The following BAG4 variants were observed in gnomAD, a reference collection of about 807,000 sequenced individuals.
The protein encoded by BAG4 is BAG cochaperone 4, also known as BAG family molecular chaperone regulator 4.
A neutral mutation model predicts 52.1 loss-of-function variants in BAG4; 28 were observed. The observed-to-expected ratio is 0.54, with a 90% CI of 0.40 to 0.74. The LOEUF is 0.74. Ranked by LOEUF, BAG4 falls within the 30% of genes least tolerant of loss-of-function variation. The pLI is 0.00. For synonymous variants in BAG4, 208 were observed against 217.0 expected (o/e 0.96, Z 0.37); for missense variants, 525 against 572.0 (o/e 0.92, Z 0.84).
intron 2 of BAG4, among the ~76,000 whole-genome samples, chr8:38,196,298 A>G (rs777172841): frequency 5.9e-5 from 9 of 152,310 alleles, no homozygotes; most frequent in Non-Finnish European, 1.3e-4. Flanking sequence ...TTATAGTCCC[A>G]TCAGCAATGT....
intron 4 of BAG4, 123 bp downstream of exon 4, chr8:38,209,390 T>G: frequency 1.5e-6 from 2 of 1,304,080 alleles, no homozygotes; most frequent in Non-Finnish European, 2.1e-6. Flanking sequence ...GGTGACTACT[T>G]ATCTATAGCT....
At chr8:38,192,571 TTATTGCTTTTTGTC>T in intron 1 of BAG4, 103 bp from the exon 2 acceptor site, 1 of 777,774 alleles carries the variant, frequency 1.3e-6, no homozygotes, top group Non-Finnish European at 2.0e-6. Flanking sequence ...TGTGCCCAGC[TTATTGCTTTTTGTC>T]TATTGCTTTT....
Position 38,192,761 on chromosome 8 carries a change from G to GT in BAG4, c.345dup (p.Thr116TyrfsTer81), listed in dbSNP as rs1245763012. The GT allele has an allele frequency of 6.2e-7, 1 of 1,612,794 alleles. No homozygotes were observed. Among genetic ancestry groups the GT allele is most frequent in the Non-Finnish European group, 8.5e-7 (1 of 1,179,420 alleles). On this transcript the variant is annotated frameshift_variant, in exon 2 of 5. Transcript: ENST00000287322. LOFTEE classifies it high-confidence loss of function. ...GCGAGATCTAGGGCTCCTTACCCAA[G>GT]TACATATCCTGTAAGACCAGAATTG...
rs1172463195 is a variant in BAG4, at chr8:38,207,703, G to T, written c.570G>T (p.Gln190His). ...CAGTCTCTCGTTGGATCTATCCCCA[G>T]CAGGACTGTCAGACTGAAGCACCCC... ...PTPVSRWIYP[Q>H]QDCQTEAPPL... The change falls in exon 3 of 5, where the codon CAG (glutamine) becomes CAT (histidine). Residue 190 changes from glutamine (Q) to histidine (H), a missense_variant. Physicochemically the swap from Gln to His is conservative, Grantham distance 24. Coordinates refer to ENST00000287322, the MANE Select transcript of BAG4 (RefSeq NM_004874.4). The T allele has an allele frequency of 6.2e-7, 1 of 1,614,130 alleles. No homozygotes were observed.
chr8:38,182,586 T>C (rs1482234458), intron 1 of BAG4, among the ~76,000 whole-genome samples: 1 of 152,254 alleles, frequency 6.6e-6, no homozygotes. Context: ...TTATTACCTT[T>C]GTTTTAGTTT....
rs1268772186 is a variant in BAG4 at position 38,198,560 on chromosome 8, C to T, written c.378+5765C>T. Among the ~76,000 whole-genome samples, 39 of 148,100 alleles carry T rather than the reference C, an allele frequency of 2.6e-4. No homozygotes were observed. In the South Asian group the frequency reaches 8.1e-3, roughly 31 times the overall value. ...CTGCAGTGCAGTGGTGCGATCTCGG[C>T]TTACTGCGACCTCCGCCTCCCAGGT... On this transcript the variant is annotated intron_variant, in intron 2 of 4. Coordinates refer to ENST00000287322, the MANE Select transcript of BAG4 (RefSeq NM_004874.4).
chr8:38,179,176 T>C (rs1198801480), intron 1 of BAG4, among the ~76,000 whole-genome samples: 1 of 152,058 alleles, frequency 6.6e-6, no homozygotes, highest in Non-Finnish European at 1.5e-5. Context: ...TTTTTTATTT[T>C]TGGGACACAG....
At chr8:38,180,011 T>G (rs1391799164) in intron 1 of BAG4, among the ~76,000 whole-genome samples, 3 of 152,152 alleles carry the variant, frequency 2.0e-5, no homozygotes, top group African/African-American at 7.2e-5. Context: ...GAAGTTAAGA[T>G]TTTAGCATTG....
rs188881713 is a variant in BAG4 at position 38,187,251 on chromosome 8, A to C, written c.271-5437A>C. Among the ~76,000 whole-genome samples the C allele has an allele frequency of 2.5e-3, 385 of 152,338 alleles. 1 individual carries two copies. Among genetic ancestry groups the C allele is most frequent in the Non-Finnish European group, 4.1e-3 (278 of 68,024 alleles). The stretch of plus-strand genomic sequence containing the variant: ...TCAAATAGGGAATATCAATAAAGAG[A>C]TAGCAATTATATATTAAAAAAGAAA... On this transcript the variant is annotated intron_variant, in intron 1 of 4. Transcript: ENST00000287322.
In BAG4 at chr8:38,209,274, G is replaced by A. The variant is rs1424298585; in HGVS notation, c.888+7G>A. On this transcript the variant is annotated splice_region_variant and intron_variant, in intron 4 of 4. Transcript: ENST00000287322. ...CCCAGTCCAGCAGCCCAAGGTAGGA[G>A]ACCTAAATGTTGTTCCTTTAATGTG... The A allele has an allele frequency of 1.2e-6, 2 of 1,614,098 alleles. No homozygotes were observed. Among genetic ancestry groups the A allele is most frequent in the Non-Finnish European group, 1.7e-6 (2 of 1,180,010 alleles).
Position 38,177,088 on chromosome 8 carries a change from TC to T in BAG4, c.222del (p.Ser75ArgfsTer45). The T allele has an allele frequency of 6.2e-7, 1 of 1,612,526 alleles. No individual in the cohort carries two copies. Among genetic ancestry groups the T allele is most frequent in the South Asian group, 1.1e-5 (1 of 90,928 alleles). On this transcript the variant is annotated frameshift_variant, in exon 1 of 5. Coordinates refer to ENST00000287322, the MANE Select transcript of BAG4 (RefSeq NM_004874.4). LOFTEE classifies it high-confidence loss of function. The stretch of plus-strand genomic sequence containing the variant: ...AAGGCGGAGGAGGCGATGGCTACTA[TC>T]CCTCGGGAGGCGCCTGGCCAGAGCC... ...GEGGGGDGYY[P>X]SGGAWPEPGR...
At chr8:38,191,530 G>T (rs551449067) in intron 1 of BAG4, among the ~76,000 whole-genome samples, 1 of 152,224 alleles carries the variant, frequency 6.6e-6, no homozygotes, top group South Asian at 2.1e-4. Flanking sequence ...AAGCCAAGCC[G>T]GGTGGATCTC....
chr8:38,182,376 G>A (rs548635527), intron 1 of BAG4, among the ~76,000 whole-genome samples: 1 of 152,248 alleles, frequency 6.6e-6, no homozygotes, highest in East Asian at 1.9e-4. Flanking sequence ...TTGGACTGGG[G>A]TTTCAGTTTG....
intron 4 of BAG4, 63 bp downstream of exon 4, chr8:38,209,330 T>G: frequency 1.2e-5 from 19 of 1,600,502 alleles, no homozygotes; most frequent in Non-Finnish European, 1.6e-5. Flanking sequence ...ACATGGTTTA[T>G]ATAGTTTCTG....
chr8:38,208,927 G>T, intron 3 of BAG4, 86 bp from the exon 4 acceptor site: 2 of 1,443,600 alleles, frequency 1.4e-6, no homozygotes, highest in South Asian at 1.4e-5. Flanking sequence ...TAAGAAGAGA[G>T]GAAGCATCTC....
chr8:38,188,424 A>C (rs2130669090), intron 1 of BAG4, among the ~76,000 whole-genome samples: 1 of 151,980 alleles, frequency 6.6e-6, no homozygotes. Context: ...CAATAAAGAA[A>C]AGATAAATGT....
At chr8:38,182,857 A>T (rs892414645) in intron 1 of BAG4, among the ~76,000 whole-genome samples, 1 of 152,110 alleles carries the variant, frequency 6.6e-6, no homozygotes, top group African/African-American at 2.4e-5. Flanking sequence ...CAATAAAATT[A>T]TACTTTTTAG....
chr8:38,205,344 C>T (rs934522416), intron 2 of BAG4, among the ~76,000 whole-genome samples: 4 of 148,362 alleles, frequency 2.7e-5, no homozygotes, highest in African/African-American at 4.9e-5. Flanking sequence ...TGAGTCTGTG[C>T]GCCTAGCCAT....
intron 1 of BAG4, among the ~76,000 whole-genome samples, chr8:38,192,481 C>A (rs1803492169): frequency 6.6e-6 from 1 of 151,938 alleles, no homozygotes; most frequent in Non-Finnish European, 1.5e-5. Flanking sequence ...CTCTCTTGAC[C>A]ATACTAGACT....
Sources: gnomAD v4.1 joint callset for allele counts (sites outside exome capture counted in the v4.1 genomes callset) on GRCh38, gnomAD v4.1.1 for gene constraint, MANE v1.5 for transcripts, NCBI Gene and HGNC (gene_info 2026-07-23, HGNC 2026-07-21) for gene names.